Variants in IL1RAP observed in about 807,000 individuals in gnomAD.
IL1RAP encodes the protein interleukin 1 receptor accessory protein.
Under a neutral mutation model 60.7 loss-of-function variants are expected in IL1RAP, and 35 were observed. The observed-to-expected ratio is 0.58, with a 90% confidence interval of 0.44 to 0.76. The LOEUF is 0.76. Ranked by LOEUF, IL1RAP falls within the 30% of genes least tolerant of loss-of-function variation. The probability of loss-of-function intolerance (pLI) is 0.00; values close to 1 mark genes in which losing one functional copy is unlikely to be tolerated. For synonymous variants in IL1RAP, 268 were observed against 250.9 expected (o/e 1.07, Z -0.64); for missense variants, 572 against 693.9 (o/e 0.82, Z 1.97).
intron 10 of IL1RAP, among the ~76,000 whole-genome samples, 177 bp downstream of exon 10, chr3:190,644,574 C>A (rs889512140): frequency 1.3e-5 from 2 of 152,142 alleles, no homozygotes; most frequent in Non-Finnish European, 2.9e-5. Flanking sequence ...GATTATTATT[C>A]TATTTTCTTG....
At chr3:190,595,321 T>C (rs1285153249) in intron 3 of IL1RAP, among the ~76,000 whole-genome samples, 2 of 152,226 alleles carry the variant, frequency 1.3e-5, no homozygotes, top group Non-Finnish European at 2.9e-5. Context: ...TCAACCCTAA[T>C]GCTATACGCC....
intron 3 of IL1RAP, among the ~76,000 whole-genome samples, chr3:190,571,881 C>T (rs974917933): frequency 6.6e-6 from 1 of 150,484 alleles, no homozygotes; most frequent in African/African-American, 2.4e-5. Flanking sequence ...TTAGTGTTAG[C>T]TTATTTTATG....
intron 4 of IL1RAP, among the ~76,000 whole-genome samples, chr3:190,605,354 C>G (rs1401878604): frequency 6.6e-6 from 1 of 151,234 alleles, no homozygotes; most frequent in African/African-American, 2.4e-5. Flanking sequence ...AAAAACAAAA[C>G]AAAACAAAAC....
At chr3:190,579,220 T>G (rs1727774106) in intron 3 of IL1RAP, among the ~76,000 whole-genome samples, 1 of 152,216 alleles carries the variant, frequency 6.6e-6, no homozygotes, top group Non-Finnish European at 1.5e-5. Context: ...TACTTCTTCC[T>G]TCAACCATCA....
In IL1RAP at chr3:190,648,574, G is replaced by A; in HGVS notation, c.1582G>A (p.Gly528Arg). The change falls in exon 12 of 12, where the codon GGG becomes AGG. Residue 528 changes from glycine (G) to arginine (R), a missense_variant. Physicochemically the swap from Gly to Arg is moderately radical, Grantham distance 125. Coordinates refer to ENST00000447382, the MANE Select transcript of IL1RAP (RefSeq NM_002182.4). Reference sequence around the variant, plus strand: ...GGTGCTCACGGTCATTAAATGGAAAGGGGAAAAATCCAAGTATCCACAGGG... The same window carrying A: ...GGTGCTCACGGTCATTAAATGGAAAAGGGAAAAATCCAAGTATCCACAGGG... ...KTVLTVIKWK[G>R]EKSKYPQGRF... 6.2e-7 allele frequency: 1 copy of A among 1,614,154 alleles called. No individual in the cohort carries two copies.
intron 3 of IL1RAP, among the ~76,000 whole-genome samples, chr3:190,572,869 T>TTTTTTTTG (rs1560179494): frequency 2.7e-5 from 1 of 36,982 alleles, no homozygotes; most frequent in African/African-American, 1.1e-4. Flanking sequence ...GTTTTTTTTT[T>TTTTTTTTG]TTTTTTTTTT....
chr3:190,517,161 G>T (rs1339108665), intron 1 of IL1RAP, among the ~76,000 whole-genome samples: 2 of 152,192 alleles, frequency 1.3e-5, no homozygotes, highest in Non-Finnish European at 2.9e-5. Flanking sequence ...GGTATTTAAA[G>T]CAATGGTCTC....
chr3:190,659,515 A>AAAT (rs1383997209), exon 12 of IL1RAP: 1 of 152,254 alleles, frequency 6.6e-6, no homozygotes, highest in Non-Finnish European at 1.5e-5. Context: ...TCAATGAAGC[A>AAAT]AATTATAATA....
intron 2 of IL1RAP, among the ~76,000 whole-genome samples, chr3:190,561,353 T>C (rs3773984): frequency 0.09 from 13,716 of 152,252 alleles, 668 homozygotes; most frequent in East Asian, 0.13. Flanking sequence ...AACCAGCCTG[T>C]TCAATCACGT....
chr3:190,620,462 T>C (rs1481086854), intron 6 of IL1RAP, 22 bp downstream of exon 6: 4 of 1,586,802 alleles, frequency 2.5e-6, no homozygotes, highest in Non-Finnish European at 3.4e-6. Context: ...TAGTGTCCAG[T>C]ACACACAACA....
downstream of IL1RAP, among the ~76,000 whole-genome samples, chr3:190,652,282 T>G (rs570102561): frequency 2.0e-5 from 3 of 151,792 alleles, no homozygotes; most frequent in Non-Finnish European, 2.9e-5. Flanking sequence ...GCCAACATGG[T>G]GAAACCCTGT....
At chr3:190,623,838 G>A (rs1577757267) in intron 7 of IL1RAP, among the ~76,000 whole-genome samples, 2 of 152,316 alleles carry the variant, frequency 1.3e-5, no homozygotes, top group Middle Eastern at 3.4e-3. Flanking sequence ...GATAAAACTA[G>A]TAGACATTGA....
At chr3:190,567,361 T>C (rs932151210) in intron 3 of IL1RAP, among the ~76,000 whole-genome samples, 3 of 152,232 alleles carry the variant, frequency 2.0e-5, no homozygotes, top group African/African-American at 7.2e-5. Context: ...GTTATAGTAA[T>C]AATAATAAAG....
At chr3:190,579,839 G>A (rs1286941209) in intron 3 of IL1RAP, among the ~76,000 whole-genome samples, 2 of 152,068 alleles carry the variant, frequency 1.3e-5, no homozygotes, top group Non-Finnish European at 2.9e-5. Flanking sequence ...ATTATATGTG[G>A]CATATTGTGA....
chr3:190,629,456 G>C lies in IL1RAP; in HGVS notation c.1009G>C (p.Ala337Pro). Residue 337 changes from alanine to proline, a missense_variant, in exon 9 of 12, where the codon GCC becomes CCC. Transcript: ENST00000447382. ...KRSYVCHARS[A>P]KGEVAKAAKV... ...CAGCTATGTCTGTCATGCTAGAAGT[G>C]CCAAAGGCGAAGTTGCCAAAGCAGC... 6.2e-7 allele frequency: 1 copy of C among 1,613,444 alleles called. No individual in the cohort carries two copies. Among genetic ancestry groups the C allele is most frequent in the African/African-American group, 1.3e-5 (1 of 75,006 alleles).
chr3:190,627,559 A>T (rs745593803), intron 8 of IL1RAP, 110 bp downstream of exon 8: 13 of 1,346,414 alleles, frequency 9.7e-6, no homozygotes, highest in Non-Finnish European at 1.2e-5. Flanking sequence ...CCCTATCACT[A>T]ACAAAAATCG....
intron 3 of IL1RAP, among the ~76,000 whole-genome samples, chr3:190,576,212 A>AT (rs1727433316): frequency 6.6e-6 from 1 of 152,246 alleles, no homozygotes; most frequent in Non-Finnish European, 1.5e-5. Context: ...ATTTGTAGAT[A>AT]TGTCATCAAA....
chr3:190,521,300 A>T (rs997777659), intron 1 of IL1RAP, among the ~76,000 whole-genome samples: 6 of 147,688 alleles, frequency 4.1e-5, no homozygotes, highest in Admixed American at 1.4e-4. Flanking sequence ...CACATGTAAC[A>T]TTTTTTTTTT....
At chr3:190,523,530 C>T (rs1434776716) in intron 1 of IL1RAP, among the ~76,000 whole-genome samples, 2 of 152,086 alleles carry the variant, frequency 1.3e-5, no homozygotes, top group African/African-American at 2.4e-5. Flanking sequence ...CCACCTATCA[C>T]CCTCCAATGG....
Sources: gnomAD v4.1 joint callset for allele counts (sites outside exome capture counted in the v4.1 genomes callset) on GRCh38, gnomAD v4.1.1 for gene constraint, MANE v1.5 for transcripts, NCBI Gene and HGNC (gene_info 2026-07-23, HGNC 2026-07-21) for gene names.